Variants in FBXL17 observed in about 807,000 individuals in gnomAD.
FBXL17 encodes the protein F-box and leucine rich repeat protein 17, also known as F-box/LRR-repeat protein 17.
FBXL17 carries 22 observed loss-of-function variants against 66.2 expected under a neutral mutation model. The ratio of observed to expected loss-of-function variants is 0.33; its 90% CI spans 0.24 to 0.47. The LOEUF is 0.47. Ranked by LOEUF, FBXL17 falls within the 20% of genes least tolerant of loss-of-function variation. FBXL17 has a pLI of 1.00. For synonymous variants in FBXL17, 474 were observed against 400.5 expected (o/e 1.18, Z -2.19); for missense variants, 878 against 948.2 (o/e 0.93, Z 0.97).
chr5:107,950,789 T>G (rs1751475531), intron 7 of FBXL17, among the ~76,000 whole-genome samples: 1 of 152,206 alleles, frequency 6.6e-6, no homozygotes, highest in South Asian at 2.1e-4. Context: ...CTAAATCCGT[T>G]TGTCATAATA....
chr5:108,004,327 T>A (rs1382171123), intron 7 of FBXL17, among the ~76,000 whole-genome samples: 2 of 152,182 alleles, frequency 1.3e-5, no homozygotes, highest in Non-Finnish European at 1.5e-5. Context: ...TAAAAAGTAA[T>A]AATGTAATCC....
chr5:107,918,567 A>G (rs778044239), intron 7 of FBXL17, among the ~76,000 whole-genome samples: 5 of 152,208 alleles, frequency 3.3e-5, no homozygotes, highest in Non-Finnish European at 7.4e-5. Context: ...TGGAACAAGA[A>G]TATGGATAAG....
rs1414741121 is a variant in FBXL17 at position 108,144,666 on chromosome 5, A to T, written c.1745+41451T>A. On this transcript the variant is annotated intron_variant, in intron 6 of 8. Coordinates refer to ENST00000542267, the MANE Select transcript of FBXL17 (RefSeq NM_001163315.3). ...GTCGATATTTTAAACTATTTCATAA[A>T]CATTCCTCATACAGTATGTCTAATA... Among the ~76,000 whole-genome samples the T allele has an allele frequency of 2.6e-5, 4 of 152,154 alleles. No homozygotes were observed. In the South Asian group the frequency reaches 6.2e-4, roughly 24 times the overall value.
chr5:108,188,560 G>A (rs190568486), intron 5 of FBXL17, among the ~76,000 whole-genome samples: 1 of 152,286 alleles, frequency 6.6e-6, no homozygotes, highest in African/African-American at 2.4e-5. Context: ...CAGGTTAAGG[G>A]TTTTAGCAAC....
At position 108,220,681 on chromosome 5, in the gene FBXL17, G is replaced by A. The variant is rs143216427; in HGVS notation, c.1614+3440C>T. 2.0e-3 allele frequency among the ~76,000 whole-genome samples: 300 copies of A among 152,142 alleles called. 2 individuals are homozygous for A. The highest frequency in any genetic ancestry group is 6.8e-3 in the African/African-American group (283 of 41,514). On this transcript the variant is annotated intron_variant, in intron 5 of 8. Coordinates refer to ENST00000542267, the MANE Select transcript of FBXL17 (RefSeq NM_001163315.3). Reference sequence around the variant, plus strand: ...CAAAATATCCCAGCCTAAGTCAGTAGGAGCCATTTCACGTTGGCTTTTGGG... The same window carrying A: ...CAAAATATCCCAGCCTAAGTCAGTAAGAGCCATTTCACGTTGGCTTTTGGG...
chr5:108,092,011 T>C (rs1008445532), intron 6 of FBXL17, among the ~76,000 whole-genome samples: 1 of 152,236 alleles, frequency 6.6e-6, no homozygotes, highest in African/African-American at 2.4e-5. Flanking sequence ...CACAATATCT[T>C]TCCTCTGTTT....
chr5:108,036,097 C>T (rs1746830547), intron 6 of FBXL17, among the ~76,000 whole-genome samples: 1 of 152,160 alleles, frequency 6.6e-6, no homozygotes, highest in African/African-American at 2.4e-5. Flanking sequence ...ACCGTACTGG[C>T]ACCAGTCTAT....
intron 4 of FBXL17, among the ~76,000 whole-genome samples, chr5:108,327,727 T>A (rs1759923565): frequency 6.6e-6 from 1 of 152,132 alleles, no homozygotes; most frequent in African/African-American, 2.4e-5. Flanking sequence ...TGGTTACTTT[T>A]TCCCCTTGCT....
chr5:108,053,661 G>T (rs1181846094), intron 6 of FBXL17, among the ~76,000 whole-genome samples: 1 of 152,144 alleles, frequency 6.6e-6, no homozygotes, highest in African/African-American at 2.4e-5. Context: ...ACACTGTTGG[G>T]AAGAATGTAA....
intron 8 of FBXL17, among the ~76,000 whole-genome samples, chr5:107,874,534 C>A (rs1748556717): frequency 2.0e-5 from 3 of 152,154 alleles, no homozygotes; most frequent in Non-Finnish European, 1.5e-5. Flanking sequence ...TTAAGCTGCC[C>A]AAGGTCCCAG....
At chr5:108,196,106 A>C (rs1753670299) in intron 5 of FBXL17, among the ~76,000 whole-genome samples, 1 of 152,092 alleles carries the variant, frequency 6.6e-6, no homozygotes, top group South Asian at 2.1e-4. Flanking sequence ...TAGAAAGAGT[A>C]GTCTTACAAT....
At chr5:108,198,580 C>G (rs1753771944) in intron 5 of FBXL17, among the ~76,000 whole-genome samples, 1 of 152,152 alleles carries the variant, frequency 6.6e-6, no homozygotes, top group South Asian at 2.1e-4. Flanking sequence ...TTAGAAGAGT[C>G]AAACATTTTA....
chr5:107,978,767 A>T (rs1188110123), intron 7 of FBXL17, among the ~76,000 whole-genome samples: 1 of 152,196 alleles, frequency 6.6e-6, no homozygotes, highest in Non-Finnish European at 1.5e-5. Context: ...CTTCGGAGAG[A>T]CTGGCTGAAT....
intron 6 of FBXL17, among the ~76,000 whole-genome samples, chr5:108,182,141 C>T (rs1338328796): frequency 2.0e-5 from 3 of 152,270 alleles, no homozygotes; most frequent in East Asian, 3.9e-4. Context: ...TTGAGAACAG[C>T]AGGAACTCAG....
At chr5:108,263,143 G>A (rs1380172536) in intron 4 of FBXL17, among the ~76,000 whole-genome samples, 3 of 151,914 alleles carry the variant, frequency 2.0e-5, no homozygotes, top group Non-Finnish European at 2.9e-5. Context: ...CTGATTTCAG[G>A]CCCCAAGTAA....
intron 6 of FBXL17, among the ~76,000 whole-genome samples, chr5:108,089,395 CT>C (rs1161341097): frequency 6.6e-6 from 1 of 152,210 alleles, no homozygotes; most frequent in Non-Finnish European, 1.5e-5. Flanking sequence ...CTGATTTTCA[CT>C]CTTAACTCCT....
Position 108,332,797 on chromosome 5 carries a change from G to A in FBXL17, c.1506+15602C>T, listed in dbSNP as rs145903115. ...TAATTCTTGTATTTTTAGTAGAGAT[G>A]GAGTTTCGCCATGTTTGACCAGGCT... On this transcript the variant is annotated intron_variant, in intron 4 of 8. Coordinates refer to ENST00000542267, the MANE Select transcript of FBXL17 (RefSeq NM_001163315.3). 6.8e-3 allele frequency among the ~76,000 whole-genome samples: 1,036 copies of A among 151,976 alleles called. 18 individuals are homozygous for A. Among genetic ancestry groups the A allele is most frequent in the African/African-American group, 0.024 (978 of 41,458 alleles).
intron 6 of FBXL17, among the ~76,000 whole-genome samples, chr5:108,082,736 CAT>C (rs1748817771): frequency 6.6e-6 from 1 of 151,960 alleles, no homozygotes; most frequent in Non-Finnish European, 1.5e-5. Context: ...AAAATTATAA[CAT>C]TATTGTTTTG....
intron 6 of FBXL17, among the ~76,000 whole-genome samples, chr5:108,063,990 A>G (rs555189747): frequency 6.6e-6 from 1 of 152,274 alleles, no homozygotes; most frequent in South Asian, 2.1e-4. Flanking sequence ...AGCTTTTTAT[A>G]GTTTTAATTA....
Sources: allele counts gnomAD v4.1 joint callset (sites outside exome capture counted in the v4.1 genomes callset), GRCh38; gene constraint gnomAD v4.1.1; transcripts MANE v1.5; gene names NCBI Gene and HGNC (gene_info 2026-07-23, HGNC 2026-07-21).